NR3C1: variants seen among roughly 807,000 people sequenced by gnomAD.
The protein encoded by NR3C1 is nuclear receptor subfamily 3 group C member 1.
Under a neutral mutation model 74.0 loss-of-function variants are expected in NR3C1, and 14 were observed. The ratio of observed to expected loss-of-function variants is 0.19; its 90% CI spans 0.12 to 0.30. NR3C1 has a LOEUF of 0.30. Among genes scored for constraint, NR3C1 ranks in the 10% least tolerant of loss-of-function variants. The pLI is 1.00. For missense variants in NR3C1, 695 were observed against 909.8 expected (o/e 0.76, Z 3.04); for synonymous variants, 308 against 332.5 (o/e 0.93, Z 0.80).
chr5:143,348,483 C>T (rs888538912), intron 2 of NR3C1, among the ~76,000 whole-genome samples: 4 of 152,166 alleles, frequency 2.6e-5, no homozygotes, highest in African/African-American at 9.7e-5. Flanking sequence ...GACTGATATG[C>T]ATGTTCCCAG....
At chr5:143,372,392 C>G (rs1173129101) in intron 2 of NR3C1, among the ~76,000 whole-genome samples, 3 of 152,134 alleles carry the variant, frequency 2.0e-5, no homozygotes, top group Admixed American at 1.3e-4. Context: ...GGATGGCTAC[C>G]AAGTGACTAA....
intron 1 of NR3C1, among the ~76,000 whole-genome samples, chr5:143,422,251 T>A (rs1197609736): frequency 6.6e-5 from 10 of 152,216 alleles, no homozygotes; most frequent in Non-Finnish European, 1.3e-4. Flanking sequence ...TATAGATATC[T>A]GGGCTCTGCC....
At position 143,378,623 on chromosome 5, in the gene NR3C1, G is replaced by A. The variant is rs151242107; in HGVS notation, c.1184+21033C>T. On this transcript the variant is annotated intron_variant, in intron 2 of 8. Coordinates refer to ENST00000394464, the MANE Select transcript of NR3C1 (RefSeq NM_000176.3). ...CAACATCTCTGACTGTCTGAATTCTGAGATATCTGGCCCTTTGTATAAATT... is the reference window on the plus strand; with the variant it reads ...CAACATCTCTGACTGTCTGAATTCTAAGATATCTGGCCCTTTGTATAAATT... Among the ~76,000 whole-genome samples the A allele has an allele frequency of 1.0e-3, 156 of 152,270 alleles. 3 individuals are homozygous for A. In the East Asian group the frequency reaches 0.022, roughly 22 times the overall value.
At chr5:143,363,984 A>T (rs910285701) in intron 2 of NR3C1, among the ~76,000 whole-genome samples, 1 of 150,136 alleles carries the variant, frequency 6.7e-6, no homozygotes, top group Admixed American at 6.7e-5. Flanking sequence ...AAGATTATTT[A>T]AAAAAAAAAT....
At chr5:143,360,345 A>G (rs1490940688) in intron 2 of NR3C1, among the ~76,000 whole-genome samples, 1 of 152,178 alleles carries the variant, frequency 6.6e-6, no homozygotes, top group African/African-American at 2.4e-5. Context: ...TTTTTCTGTG[A>G]CTTTCTGTGC....
intron 2 of NR3C1, among the ~76,000 whole-genome samples, chr5:143,320,672 A>G (rs1049100872): frequency 6.6e-6 from 1 of 152,242 alleles, no homozygotes. Flanking sequence ...ATTTATTTGT[A>G]GAGAGAATAT....
intron 1 of NR3C1, among the ~76,000 whole-genome samples, chr5:143,420,011 A>G (rs541364447): frequency 9.9e-5 from 15 of 152,268 alleles, no homozygotes; most frequent in African/African-American, 3.4e-4. Flanking sequence ...TGAGAAAAAG[A>G]ATTCAGCAAT....
intron 2 of NR3C1, among the ~76,000 whole-genome samples, chr5:143,374,699 C>T (rs185445529): frequency 6.6e-6 from 1 of 152,154 alleles, no homozygotes; most frequent in African/African-American, 2.4e-5. Context: ...TCAAAAAAAA[C>T]AGTGAGTCAA....
intron 1 of NR3C1, among the ~76,000 whole-genome samples, chr5:143,432,905 G>A (rs144967093): frequency 4.6e-5 from 7 of 152,148 alleles, no homozygotes; most frequent in African/African-American, 1.7e-4. Flanking sequence ...TCTGCCCCAC[G>A]TTCATTCGTT....
At chr5:143,358,266 C>T (rs1046220931) in intron 2 of NR3C1, among the ~76,000 whole-genome samples, 2 of 152,100 alleles carry the variant, frequency 1.3e-5, no homozygotes, top group African/African-American at 4.8e-5. Context: ...CAGCAGTGGA[C>T]ATAAGAGGAC....
In NR3C1 at chr5:143,435,049, C is replaced by T. The variant is rs1462093593; in HGVS notation, c.-531G>A. On this transcript the variant is annotated 5_prime_UTR_variant, in exon 1 of 9. Transcript: ENST00000343796. ...GAGCCACTGATTCAGCAGATATTCC[C>T]CCAGGCAGATCCTAATGGAAACCAA... 17 of 985,294 alleles carry T rather than the reference C, an allele frequency of 1.7e-5. No homozygotes were observed. Among genetic ancestry groups the T allele is most frequent in the Middle Eastern group, 5.2e-4 (1 of 1,916 alleles). 61.0% of individuals were successfully genotyped at this position (985,294 alleles called of 1,614,324 possible). A position where few individuals can be genotyped will look rare whatever the true frequency, so the allele number is the denominator to read the frequency against.
intron 2 of NR3C1, among the ~76,000 whole-genome samples, chr5:143,354,215 A>C (rs1830710439): frequency 6.6e-6 from 1 of 152,198 alleles, no homozygotes; most frequent in Admixed American, 6.5e-5. Flanking sequence ...AGACCACTAA[A>C]ACTTTCTTCG....
chr5:143,369,381 G>A (rs937010385), intron 2 of NR3C1, among the ~76,000 whole-genome samples: 14 of 152,136 alleles, frequency 9.2e-5, no homozygotes, highest in Non-Finnish European at 1.9e-4. Context: ...TGTCTACACA[G>A]AAACTTGTAT....
intron 2 of NR3C1, among the ~76,000 whole-genome samples, chr5:143,328,614 A>G (rs917038583): frequency 1.3e-5 from 2 of 152,210 alleles, no homozygotes; most frequent in African/African-American, 2.4e-5. Context: ...ATTTCAGACC[A>G]TATCTTCGTG....
intron 2 of NR3C1, among the ~76,000 whole-genome samples, chr5:143,392,600 T>C (rs564123010): frequency 6.6e-6 from 1 of 152,286 alleles, no homozygotes; most frequent in East Asian, 1.9e-4. Context: ...CCTTCTGTGC[T>C]TCATGGATAT....
At chr5:143,291,939 A>G (rs1256197049) in intron 7 of NR3C1, among the ~76,000 whole-genome samples, 6 of 152,322 alleles carry the variant, frequency 3.9e-5, no homozygotes, top group East Asian at 3.9e-4. Flanking sequence ...TATTTGTGTC[A>G]TATCTGAGGA....
At chr5:143,314,682 A>C (rs540195547) in intron 2 of NR3C1, among the ~76,000 whole-genome samples, 4 of 152,156 alleles carry the variant, frequency 2.6e-5, no homozygotes, top group Non-Finnish European at 5.9e-5. Context: ...AAATTCAATC[A>C]AGTGTCATTA....
At chr5:143,301,925 T>TA (rs1332680832) in intron 4 of NR3C1, among the ~76,000 whole-genome samples, 3 of 152,116 alleles carry the variant, frequency 2.0e-5, no homozygotes, top group South Asian at 4.1e-4. Flanking sequence ...TGTTCTATAC[T>TA]AAATGGGGTA....
upstream of NR3C1, chr5:143,403,692 G>A (rs1433110058): frequency 2.3e-5 from 23 of 985,366 alleles, no homozygotes; most frequent in East Asian, 3.4e-4. Flanking sequence ...GCGGCGCCAC[G>A]GCGCGCACAC....
Sources: allele counts gnomAD v4.1 joint callset (sites outside exome capture counted in the v4.1 genomes callset), GRCh38; gene constraint gnomAD v4.1.1; transcripts MANE v1.5; gene names NCBI Gene and HGNC (gene_info 2026-07-23, HGNC 2026-07-21).